The following SLC8A2 variants were observed in gnomAD, a reference collection of about 807,000 sequenced individuals.
SLC8A2 encodes solute carrier family 8 member A2, also known as sodium/calcium exchanger 2.
In SLC8A2, 14 loss-of-function variants were observed where a neutral mutation model predicts 70.2. The observed-to-expected ratio is 0.20, with a 90% CI of 0.13 to 0.31. The LOEUF is 0.31. Ranked by LOEUF, SLC8A2 falls within the 10% of genes least tolerant of loss-of-function variation. SLC8A2 has a pLI of 1.00. For missense variants in SLC8A2, 779 were observed against 1,320.1 expected (o/e 0.59, Z 6.35); for synonymous variants, 575 against 594.3 (o/e 0.97, Z 0.47).
At chr19:47,470,874 G>C (rs938842844) in intron 1 of SLC8A2, among the ~76,000 whole-genome samples, 1 of 152,058 alleles carries the variant, frequency 6.6e-6, no homozygotes, top group Non-Finnish European at 1.5e-5. Context: ...GTGGGTGCCG[G>C]CTGGGAGGAG....
intron 7 of SLC8A2, 73 bp from the exon 8 acceptor site, chr19:47,437,634 T>C (rs1156830207): frequency 4.6e-6 from 6 of 1,314,544 alleles, no homozygotes; most frequent in Non-Finnish European, 6.6e-6. Flanking sequence ...GGGTCCTGGG[T>C]CGGGGGCTCA....
chr19:47,431,330 C>A (rs1966955398), intron 9 of SLC8A2, among the ~76,000 whole-genome samples: 1 of 152,108 alleles, frequency 6.6e-6, no homozygotes, highest in African/African-American at 2.4e-5. Context: ...GCCACCACAC[C>A]CCACCTGCCC....
rs774834275 is a variant in SLC8A2, at chr19:47,457,153, C to G, written c.1117G>C (p.Ala373Pro). 1 of 1,542,940 alleles carries G rather than the reference C, an allele frequency of 6.5e-7. No homozygotes were observed. The highest frequency in any genetic ancestry group is 2.0e-5 in the Admixed American group (1 of 50,280). Reference protein sequence around the residue: ...GAGNVLRRHAADASRRAAPAE... With the variant: ...GAGNVLRRHAPDASRRAAPAE... ...GGCGCCGCCCTGCGCGAGGCGTCCGCCGCGTGTCTGCGCAGCACGTTCCCG... is the reference window on the plus strand; with the variant it reads ...GGCGCCGCCCTGCGCGAGGCGTCCGGCGCGTGTCTGCGCAGCACGTTCCCG... The change falls in exon 3 of 10, where the codon GCG becomes CCG. Residue 373 changes from alanine to proline, a missense_variant. Transcript: ENST00000236877.
intron 1 of SLC8A2, among the ~76,000 whole-genome samples, chr19:47,467,836 CAAAAAAA>C (rs35745146): frequency 3.9e-4 from 15 of 38,414 alleles, no homozygotes; most frequent in Non-Finnish European, 4.6e-4. Context: ...TCTAAAAATA[CAAAAAAA>C]AAAAAAAAAA....
Position 47,429,950 on chromosome 19 carries a change from G to C in SLC8A2, c.*139C>G. The C allele has an allele frequency of 2.5e-6, 2 of 811,014 alleles. No homozygotes were observed. Among genetic ancestry groups the C allele is most frequent in the Non-Finnish European group, 1.9e-6 (1 of 525,278 alleles). 50.2% of individuals were successfully genotyped at this position (811,014 alleles called of 1,614,324 possible). On this transcript the variant is annotated 3_prime_UTR_variant, in exon 10 of 10. Transcript: ENST00000236877. ...CACAGAACAGGGCAATCAAAGCCAG[G>C]GGAGGGGGCGGAGAAGGGAGGCCGA...
At chr19:47,464,702 CAGAT>C (rs979355670) in intron 2 of SLC8A2, among the ~76,000 whole-genome samples, 3 of 152,166 alleles carry the variant, frequency 2.0e-5, no homozygotes, top group African/African-American at 7.2e-5. Context: ...AGAAACCTGA[CAGAT>C]AGGCAAAAAT....
rs1207920322 is a variant in SLC8A2 at position 47,466,722 on chromosome 19, C to T, written c.-16-303G>A. The stretch of plus-strand genomic sequence containing the variant: ...CATGCAATTCAGCAGTTTTGTTCCT[C>T]GGTATGTGCCTGAGAAATAGGTCCT... On this transcript the variant is annotated intron_variant, in intron 1 of 9. Coordinates refer to ENST00000236877, the MANE Select transcript of SLC8A2 (RefSeq NM_015063.3). This position sits in a 1 kb window ranked among gnomAD's most constrained non-coding sequence, Gnocchi z 6.9. 2.6e-5 allele frequency among the ~76,000 whole-genome samples: 4 copies of T among 152,128 alleles called. No individual in the cohort carries two copies. Among genetic ancestry groups the T allele is most frequent in the Non-Finnish European group, 4.4e-5 (3 of 68,014 alleles).
intron 4 of SLC8A2, among the ~76,000 whole-genome samples, chr19:47,442,720 G>A (rs1967114094): frequency 6.6e-6 from 1 of 152,144 alleles, no homozygotes; most frequent in Non-Finnish European, 1.5e-5. Flanking sequence ...ATCTTGCTGT[G>A]TCACCCAGGT....
chr19:47,466,549 G>A lies in SLC8A2; in HGVS notation c.-16-130C>T. The A allele has an allele frequency of 1.8e-6, 1 of 556,956 alleles. No individual in the cohort carries two copies. 34.5% of individuals were successfully genotyped at this position (556,956 alleles called of 1,614,324 possible). A position where few individuals can be genotyped will look rare whatever the true frequency, so the allele number is the denominator to read the frequency against. ...CCAATGCAGGCAGGATGGGGACTGA[G>A]GGCGACAGAGACACAGAGAGTGACA... is the stretch of plus-strand genomic sequence containing the variant. On this transcript the variant is annotated intron_variant, in intron 1 of 9. Coordinates refer to ENST00000236877, the MANE Select transcript of SLC8A2 (RefSeq NM_015063.3). The surrounding 1 kb of genome is among the most constrained non-coding windows in gnomAD (Gnocchi z 6.9).
Position 47,429,878 on chromosome 19 carries a change from A to G in SLC8A2, c.*211T>C. On this transcript the variant is annotated 3_prime_UTR_variant, in exon 10 of 10. Coordinates refer to ENST00000236877, the MANE Select transcript of SLC8A2 (RefSeq NM_015063.3). ...GAGTTGGGGTCACCGCAGGGGAGGA[A>G]CCGGGGAGGCTCCCGAGAGGAAGAG... 1.7e-6 allele frequency: 1 copy of G among 598,132 alleles called. No individual in the cohort carries two copies. Among genetic ancestry groups the G allele is most frequent in the Non-Finnish European group, 2.9e-6 (1 of 339,518 alleles). The allele number at this position is 598,132 out of a possible 1,614,324, so 37.1% of individuals were successfully genotyped here. A position where few individuals can be genotyped will look rare whatever the true frequency, so the allele number is the denominator to read the frequency against.
intron 2 of SLC8A2, among the ~76,000 whole-genome samples, chr19:47,461,106 C>T (rs1436462230): frequency 4.0e-5 from 6 of 151,852 alleles, no homozygotes; most frequent in African/African-American, 1.5e-4. Context: ...AGGAGAATCG[C>T]TTGAACCCGG....
chr19:47,440,937 T>C (rs1427015920), intron 6 of SLC8A2, among the ~76,000 whole-genome samples: 1 of 152,160 alleles, frequency 6.6e-6, no homozygotes, highest in Admixed American at 6.5e-5. Context: ...GGTTTCACCA[T>C]GTTACAGACA....
intron 2 of SLC8A2, among the ~76,000 whole-genome samples, chr19:47,459,269 T>C (rs1396674000): frequency 6.6e-6 from 1 of 152,152 alleles, no homozygotes; most frequent in Non-Finnish European, 1.5e-5. Context: ...TGCTGCTGTC[T>C]CTTTCCCTCC....
intron 2 of SLC8A2, among the ~76,000 whole-genome samples, chr19:47,458,880 C>T (rs1255133503): frequency 7.0e-6 from 1 of 142,534 alleles, no homozygotes; most frequent in Non-Finnish European, 1.5e-5. Context: ...TCTCTGTTCA[C>T]CTCTCTCTCC....
chr19:47,457,844 T>C (rs1239708667), intron 2 of SLC8A2, among the ~76,000 whole-genome samples: 1 of 151,384 alleles, frequency 6.6e-6, no homozygotes, highest in Admixed American at 6.6e-5. Context: ...TTTCTTTCTT[T>C]TTTTTTTTAT....
chr19:47,447,327 G>GCA lies in SLC8A2; in HGVS notation c.1763+480_1763+481dup, dbSNP rs1364903901. The stretch of plus-strand genomic sequence containing the variant: ...CCCACATCTCCCTGGGTACTCTTCA[G>GCA]CACACACTCCACGAGCTACCAATTA... On this transcript the variant is annotated intron_variant, in intron 4 of 9. Coordinates refer to ENST00000236877, the MANE Select transcript of SLC8A2 (RefSeq NM_015063.3). The surrounding 1 kb of genome is among the most constrained non-coding windows in gnomAD (Gnocchi z 5.1). The GCA allele has an allele frequency of 5.6e-6, 1 of 177,614 alleles. No individual in the cohort carries two copies. Among genetic ancestry groups the GCA allele is most frequent in the African/African-American group, 2.5e-5 (1 of 40,700 alleles). 11.0% of individuals were successfully genotyped at this position (177,614 alleles called of 1,614,324 possible). A position where few individuals can be genotyped will look rare whatever the true frequency, so the allele number is the denominator to read the frequency against.
At chr19:47,442,110 T>A (rs2122623395) in intron 4 of SLC8A2, among the ~76,000 whole-genome samples, 1 of 151,990 alleles carries the variant, frequency 6.6e-6, no homozygotes, top group South Asian at 2.1e-4. Context: ...CAAAAAATAA[T>A]AATAATAAAA....
At chr19:47,443,157 T>C (rs1392085181) in intron 4 of SLC8A2, among the ~76,000 whole-genome samples, 1 of 152,200 alleles carries the variant, frequency 6.6e-6, no homozygotes, top group Non-Finnish European at 1.5e-5. Flanking sequence ...ACACCCTCCA[T>C]GCATATTTTG....
rs572647158 is a variant in SLC8A2 at position 47,466,805 on chromosome 19, G to A, written c.-16-386C>T. On this transcript the variant is annotated intron_variant, in intron 1 of 9. Coordinates refer to ENST00000236877, the MANE Select transcript of SLC8A2 (RefSeq NM_015063.3). The surrounding 1 kb of genome is among the most constrained non-coding windows in gnomAD (Gnocchi z 6.9). ...ATAGCAGGCCGGGTGCGGTGGCTACGCCTGTAATCCCTGAACTTTGGGAGG... is the reference window on the plus strand; with the variant it reads ...ATAGCAGGCCGGGTGCGGTGGCTACACCTGTAATCCCTGAACTTTGGGAGG... Among the ~76,000 whole-genome samples the A allele has an allele frequency of 3.9e-5, 6 of 152,286 alleles. No individual in the cohort carries two copies. Among genetic ancestry groups the A allele is most frequent in the African/African-American group, 1.4e-4 (6 of 41,558 alleles).
Sources: allele counts gnomAD v4.1 joint callset (sites outside exome capture counted in the v4.1 genomes callset), GRCh38; gene constraint gnomAD v4.1.1; non-coding constraint Gnocchi (gnomAD v3.1); transcripts MANE v1.5; gene names NCBI Gene and HGNC (gene_info 2026-07-23, HGNC 2026-07-21).